SGCZ: variants seen among roughly 807,000 people sequenced by gnomAD.
The protein encoded by SGCZ is zeta-sarcoglycan.
In SGCZ, 40 loss-of-function variants were observed where a neutral mutation model predicts 41.3. The ratio of observed to expected loss-of-function variants is 0.97; its 90% CI spans 0.75 to 1.26. The LOEUF (loss-of-function observed/expected upper bound fraction) is 1.26, where lower values mean the gene tolerates loss of function less well. SGCZ is among the 50% of genes most tolerant of loss of function. SGCZ has a pLI of 0.00. For synonymous variants in SGCZ, 206 were observed against 137.5 expected, an observed-to-expected ratio of 1.50 and a Z score of -3.49; for missense variants, 552 against 369.8, an observed-to-expected ratio of 1.49 and a Z score of -4.04.
intron 3 of SGCZ, among the ~76,000 whole-genome samples, chr8:14,255,498 T>C (rs142615697): frequency 6.6e-6 from 1 of 152,262 alleles, no homozygotes; most frequent in African/African-American, 2.4e-5. Context: ...AAAAGTACAA[T>C]TAAAATTTGT....
intron 1 of SGCZ, among the ~76,000 whole-genome samples, chr8:15,078,702 C>T (rs566026178): frequency 2.4e-4 from 36 of 151,106 alleles, no homozygotes; most frequent in African/African-American, 8.8e-4. Flanking sequence ...TATGTGTGTG[C>T]ATGTGTGTGT....
chr8:14,766,028 T>C (rs1800024479), intron 1 of SGCZ, among the ~76,000 whole-genome samples: 1 of 151,172 alleles, frequency 6.6e-6, no homozygotes. Context: ...AGTGGCATGA[T>C]CTCGGCTCAC....
At chr8:14,559,621 T>C (rs1804147591) in intron 1 of SGCZ, among the ~76,000 whole-genome samples, 1 of 152,068 alleles carries the variant, frequency 6.6e-6, no homozygotes, top group African/African-American at 2.4e-5. Flanking sequence ...TTCCATCTTT[T>C]TGTTTTAATT....
chr8:14,259,085 G>A (rs891513761), intron 3 of SGCZ, among the ~76,000 whole-genome samples: 1 of 152,052 alleles, frequency 6.6e-6, no homozygotes, highest in Non-Finnish European at 1.5e-5. Context: ...ATGAAAAAAG[G>A]CATTTAGCCT....
chr8:14,605,166 G>A (rs1805709324), intron 1 of SGCZ, among the ~76,000 whole-genome samples: 1 of 152,062 alleles, frequency 6.6e-6, no homozygotes, highest in African/African-American at 2.4e-5. Flanking sequence ...ATGACTCCTT[G>A]AAACGTAAAA....
intron 1 of SGCZ, among the ~76,000 whole-genome samples, chr8:14,806,129 G>A (rs1423460924): frequency 6.6e-6 from 1 of 151,896 alleles, no homozygotes; most frequent in Non-Finnish European, 1.5e-5. Context: ...GAGAAAGCAG[G>A]AAAGATCCAA....
intron 1 of SGCZ, among the ~76,000 whole-genome samples, chr8:15,137,981 C>A (rs891535614): frequency 4.6e-5 from 7 of 152,150 alleles, no homozygotes; most frequent in African/African-American, 1.4e-4. Flanking sequence ...CGCTCAAAGC[C>A]AGCCCATGAA....
chr8:14,569,857 G>C (rs1287090353), intron 1 of SGCZ, among the ~76,000 whole-genome samples: 2 of 152,050 alleles, frequency 1.3e-5, no homozygotes, highest in East Asian at 3.9e-4. Context: ...AGGGTGGAGT[G>C]GGGAGGCAGA....
intron 2 of SGCZ, among the ~76,000 whole-genome samples, chr8:14,405,603 AC>A: frequency 6.9e-6 from 1 of 145,352 alleles, no homozygotes; most frequent in East Asian, 2.0e-4. Context: ...CATTTCAAAA[AC>A]AGATGAAGTA....
intron 1 of SGCZ, among the ~76,000 whole-genome samples, chr8:14,716,784 G>T (rs1231770665): frequency 6.6e-6 from 1 of 151,868 alleles, no homozygotes; most frequent in Non-Finnish European, 1.5e-5. Context: ...TTTACCTTGT[G>T]GCACCAAATG....
chr8:14,943,794 T>C (rs1800354995), intron 1 of SGCZ, among the ~76,000 whole-genome samples: 1 of 152,172 alleles, frequency 6.6e-6, no homozygotes, highest in African/African-American at 2.4e-5. Context: ...TGTATTCTCA[T>C]GGTTTAGCTC....
chr8:14,395,907 C>T (rs916291518), intron 2 of SGCZ, among the ~76,000 whole-genome samples: 1 of 152,172 alleles, frequency 6.6e-6, no homozygotes, highest in Non-Finnish European at 1.5e-5. Context: ...TCAATAAATT[C>T]TGATGCCTTT....
Position 14,579,287 on chromosome 8 carries a change from TTAAG to T in SGCZ, c.40-24365_40-24362del, listed in dbSNP as rs1243411853. Among the ~76,000 whole-genome samples, 3 of 152,334 alleles carry T rather than the reference TTAAG, an allele frequency of 2.0e-5. No individual in the cohort carries two copies. The East Asian group carries it at 5.8e-4, about 29-fold the overall frequency. ...AAGGAACAAGTGTGTTTAAATATGTTTAAGTATTTATAAAATACAAACTGAAATA... is the reference window on the plus strand; with the variant it reads ...AAGGAACAAGTGTGTTTAAATATGTTTATTTATAAAATACAAACTGAAATA... On this transcript the variant is annotated intron_variant, in intron 1 of 7. Coordinates refer to ENST00000382080, the MANE Select transcript of SGCZ (RefSeq NM_139167.4).
intron 1 of SGCZ, among the ~76,000 whole-genome samples, chr8:14,984,791 A>G (rs10092923): frequency 0.36 from 55,369 of 151,958 alleles, 11,637 homozygotes; most frequent in Non-Finnish European, 0.46. Flanking sequence ...TTGGCAGGGT[A>G]TATTTATATT....
intron 3 of SGCZ, among the ~76,000 whole-genome samples, chr8:14,317,087 T>G (rs1801744757): frequency 6.6e-6 from 1 of 152,088 alleles, no homozygotes; most frequent in Non-Finnish European, 1.5e-5. Context: ...ATCCTTTGAT[T>G]CTACTTTTGA....
chr8:15,017,999 G>A (rs761917137), intron 1 of SGCZ, among the ~76,000 whole-genome samples: 2 of 152,130 alleles, frequency 1.3e-5, no homozygotes, highest in Non-Finnish European at 2.9e-5. Flanking sequence ...CAAGTCTCTG[G>A]AGTTACAGGT....
intron 5 of SGCZ, among the ~76,000 whole-genome samples, chr8:14,133,530 C>G (rs1465386999): frequency 2.0e-5 from 3 of 152,098 alleles, no homozygotes; most frequent in African/African-American, 7.2e-5. Flanking sequence ...CCTCTGGAAC[C>G]AGGGGCCAGG....
chr8:14,568,069 T>G (rs1804433317), intron 1 of SGCZ, among the ~76,000 whole-genome samples: 1 of 144,906 alleles, frequency 6.9e-6, no homozygotes, highest in African/African-American at 2.8e-5. Flanking sequence ...ATTAAGAAAC[T>G]AAAGAACCTT....
chr8:14,550,692 G>C (rs1222342227), intron 2 of SGCZ, among the ~76,000 whole-genome samples: 1 of 152,022 alleles, frequency 6.6e-6, no homozygotes. Context: ...ACCAGCAATA[G>C]GAGACCTGGG....
Sources: gnomAD v4.1 joint callset for allele counts (sites outside exome capture counted in the v4.1 genomes callset) on GRCh38, gnomAD v4.1.1 for gene constraint, MANE v1.5 for transcripts, NCBI Gene and HGNC (gene_info 2026-07-23, HGNC 2026-07-21) for gene names.